TIMELESS: variants seen among roughly 807,000 people sequenced by gnomAD.
TIMELESS encodes the protein timeless circadian regulator.
In TIMELESS, 124 loss-of-function variants were observed where a neutral mutation model predicts 164.3. The ratio of observed to expected loss-of-function variants is 0.75; its 90% CI spans 0.65 to 0.88. TIMELESS has a LOEUF of 0.88. Ranked by LOEUF, TIMELESS falls within the 40% of genes least tolerant of loss-of-function variation. The probability of loss-of-function intolerance (pLI) is 0.00; values close to 1 mark genes in which losing one functional copy is unlikely to be tolerated. For synonymous variants in TIMELESS, 564 were observed against 563.4 expected (o/e 1.00, Z -0.02); for missense variants, 1,422 against 1,491.4 (o/e 0.95, Z 0.77).
chr12:56,436,918 A>G, intron 1 of TIMELESS, among the ~76,000 whole-genome samples: 1 of 151,892 alleles, frequency 6.6e-6, no homozygotes, highest in East Asian at 1.9e-4. Flanking sequence ...CTTGGCATAT[A>G]GCGAGCATGC....
In TIMELESS at chr12:56,428,273, T is replaced by G; in HGVS notation, c.1541A>C (p.Glu514Ala). ...GTTCCCACGGCTCCGACAGAATCGC[T>G]CCAACATTTTGAGGAAGAGGTGGGT... is the stretch of plus-strand genomic sequence containing the variant. ...ETTHLFLKML[E>A]RFCRSRGNLV... The change falls in exon 13 of 29, where the codon GAG becomes GCG. Residue 514 changes from glutamate to alanine, a missense_variant. Transcript: ENST00000553532. 6.2e-7 allele frequency: 1 copy of G among 1,611,208 alleles called. No individual in the cohort carries two copies. Among genetic ancestry groups the G allele is most frequent in the Non-Finnish European group, 8.5e-7 (1 of 1,177,930 alleles).
intron 1 of TIMELESS, among the ~76,000 whole-genome samples, chr12:56,447,750 G>T (rs1301376209): frequency 6.6e-6 from 1 of 152,118 alleles, no homozygotes; most frequent in Non-Finnish European, 1.5e-5. Context: ...ATAGAGGGGG[G>T]TAAAAAACTT....
intron 1 of TIMELESS, among the ~76,000 whole-genome samples, chr12:56,438,723 G>A (rs1882151229): frequency 7.5e-6 from 1 of 132,690 alleles, no homozygotes; most frequent in Admixed American, 8.7e-5. Context: ...GGCTGCAATG[G>A]GCTGATATTG....
At position 56,417,575 on chromosome 12, in the gene TIMELESS, G is replaced by T; in HGVS notation, c.*141C>A. The T allele has an allele frequency of 1.3e-6, 1 of 777,114 alleles. No individual in the cohort carries two copies. Among genetic ancestry groups the T allele is most frequent in the Non-Finnish European group, 2.1e-6 (1 of 472,824 alleles). 48.1% of individuals were successfully genotyped at this position (777,114 alleles called of 1,614,324 possible). On this transcript the variant is annotated 3_prime_UTR_variant, in exon 29 of 29. Coordinates refer to ENST00000553532, the MANE Select transcript of TIMELESS (RefSeq NM_003920.5). ...CCAATACTGCTGCTGAAGTTTCTCA[G>T]CCTAAATCCGTGAAAGAGCCTGGGA...
intron 26 of TIMELESS, among the ~76,000 whole-genome samples, chr12:56,420,006 C>CAAAAAAAAAAAAAA (rs57647901): frequency 2.3e-4 from 3 of 13,288 alleles, no homozygotes; most frequent in Non-Finnish European, 2.3e-4. Flanking sequence ...GACTCTGTCT[C>CAAAAAAAAAAAAAA]AAAAAAAAAA....
Position 56,423,438 on chromosome 12 carries a change from G to A in TIMELESS, c.2128C>T (p.Leu710=), listed in dbSNP as rs1881566382. 6.2e-7 allele frequency: 1 copy of A among 1,614,124 alleles called. No individual in the cohort carries two copies. Among genetic ancestry groups the A allele is most frequent in the East Asian group, 2.2e-5 (1 of 44,882 alleles). The change falls in exon 18 of 29, where the codon CTA becomes TTA. Residue 710 remains leucine (L), a synonymous_variant. Transcript: ENST00000553532. ...CSTVVRAYVL[L]LRSYQQNSAH... is the part of the protein sequence containing the mutation. ...CTATTCTGCTGGTAGCTCCTTAGTA[G>A]CAGCACATAGGCTCGAACGACAGTT...
At position 56,417,902 on chromosome 12, in the gene TIMELESS, C is replaced by T. The variant is rs1881318148; in HGVS notation, c.3556+5G>A. Reference sequence around the variant, plus strand: ...AGAAAAAGAAGGTCCCATCAAATTCCCTACCTCTGTTCCTGCCCTCATCTT... The same window carrying T: ...AGAAAAAGAAGGTCCCATCAAATTCTCTACCTCTGTTCCTGCCCTCATCTT... On this transcript the variant is annotated splice_donor_5th_base_variant and intron_variant, in intron 28 of 28. Transcript: ENST00000553532. 1.2e-6 allele frequency: 2 copies of T among 1,614,030 alleles called. No homozygotes were observed. Among genetic ancestry groups the T allele is most frequent in the East Asian group, 4.5e-5 (2 of 44,880 alleles).
At chr12:56,441,786 G>C (rs1868277144) in intron 1 of TIMELESS, among the ~76,000 whole-genome samples, 1 of 151,232 alleles carries the variant, frequency 6.6e-6, no homozygotes, top group South Asian at 2.1e-4. Context: ...AGAAATTTAA[G>C]AAATGTAGAT....
rs759225396 is a variant in TIMELESS, at chr12:56,433,074, C to G, written c.483G>C (p.Leu161=). 5.6e-6 allele frequency: 9 copies of G among 1,613,962 alleles called. No individual in the cohort carries two copies. Among genetic ancestry groups the G allele is most frequent in the East Asian group, 2.2e-5 (1 of 44,878 alleles). ...GGACATGGAGAATATTTCTGACCAG[C>G]AGTAGGATCCGTTCAATCAGCAAGT... ...EDNLLIERIL[L]LVRNILHVPA... is the part of the protein sequence containing the mutation. The change falls in exon 6 of 29, where the codon CTG becomes CTC. Residue 161 remains leucine, a synonymous_variant. Coordinates refer to ENST00000553532, the MANE Select transcript of TIMELESS (RefSeq NM_003920.5).
Position 56,417,723 on chromosome 12 carries a change from T to C in TIMELESS, c.3620A>G (p.Asp1207Gly). Residue 1207 changes from aspartate (D) to glycine (G), a missense_variant, in exon 29 of 29, where the codon GAT (aspartate) becomes GGT (glycine). By Grantham distance (94) the Asp-to-Gly change is moderately conservative. Coordinates refer to ENST00000553532, the MANE Select transcript of TIMELESS (RefSeq NM_003920.5). ...CCTAGGCTTCTTAGCTCTTCAGTCA[T>C]CCTCATCATCCTCAATCTGGTATCG... ...KKRYQIEDDE[D>G]D The C allele has an allele frequency of 1.9e-6, 3 of 1,614,160 alleles. No homozygotes were observed. Among genetic ancestry groups the C allele is most frequent in the Admixed American group, 1.7e-5 (1 of 60,012 alleles).
At chr12:56,434,605 C>T (rs377114501) in intron 1 of TIMELESS, among the ~76,000 whole-genome samples, 2 of 152,218 alleles carry the variant, frequency 1.3e-5, no homozygotes, top group South Asian at 2.1e-4. Flanking sequence ...GGCGTGGTGG[C>T]GCATGCCTAT....
intron 1 of TIMELESS, among the ~76,000 whole-genome samples, chr12:56,439,029 G>C (rs1000191113): frequency 1.8e-4 from 28 of 151,566 alleles, no homozygotes. Flanking sequence ...AGCTGGGCAT[G>C]GTGGCGGGCG....
chr12:56,446,351 T>C (rs577923973), intron 1 of TIMELESS, among the ~76,000 whole-genome samples: 1 of 152,342 alleles, frequency 6.6e-6, no homozygotes, highest in South Asian at 2.1e-4. Context: ...TGTCTTTCCC[T>C]TTGGTACTAT....
chr12:56,425,224 T>G, intron 13 of TIMELESS, 72 bp from the exon 14 acceptor site: 1 of 1,490,982 alleles, frequency 6.7e-7, no homozygotes, highest in Non-Finnish European at 8.9e-7. Context: ...TCTTTTCTAT[T>G]ACAAAACTAA....
chr12:56,428,664 C>A lies in TIMELESS; in HGVS notation c.1305-12G>T. On this transcript the variant is annotated splice_polypyrimidine_tract_variant and intron_variant, in intron 11 of 28. Transcript: ENST00000553532. ...GAGCCAAGTGCATCCTGAGAGTTGA[C>A]GGGAAACGGTGAAATGGAGGACAGC... 1 of 1,610,362 alleles carries A rather than the reference C, an allele frequency of 6.2e-7. No individual in the cohort carries two copies. The highest frequency in any genetic ancestry group is 8.5e-7 in the Non-Finnish European group (1 of 1,176,982).
At chr12:56,438,089 T>C (rs924476157) in intron 1 of TIMELESS, among the ~76,000 whole-genome samples, 1 of 152,122 alleles carries the variant, frequency 6.6e-6, no homozygotes, top group African/African-American at 2.4e-5. Context: ...TCACCCAGCC[T>C]GGGGTGCAGT....
rs202023750 is a variant in TIMELESS at position 56,433,414 on chromosome 12, G to A, written c.396C>T (p.Val132=). 2 of 1,614,034 alleles carry A rather than the reference G, an allele frequency of 1.2e-6. No individual in the cohort carries two copies. The highest frequency in any genetic ancestry group is 2.7e-5 in the African/African-American group (2 of 74,896). ...EAFASEKAFG[V]LSETLYELLQ... ...GCAGCTCATACAAGGTTTCACTGAGGACTCCAAAAGCCTTCTCACTGGCAA... is the reference window on the plus strand; with the variant it reads ...GCAGCTCATACAAGGTTTCACTGAGAACTCCAAAAGCCTTCTCACTGGCAA... Residue 132 remains valine (V), a synonymous_variant, in exon 5 of 29, where the codon GTC becomes GTT. Transcript: ENST00000553532.
intron 20 of TIMELESS, 42 bp downstream of exon 20, chr12:56,422,064 G>C: frequency 1.2e-6 from 2 of 1,613,738 alleles, no homozygotes; most frequent in Non-Finnish European, 1.7e-6. Context: ...CACAGCTCAA[G>C]CTGCCCTCCT....
intron 1 of TIMELESS, among the ~76,000 whole-genome samples, chr12:56,445,535 T>A (rs1868338117): frequency 6.9e-6 from 1 of 145,852 alleles, no homozygotes; most frequent in Admixed American, 7.0e-5. Context: ...GGTCGGGAGT[T>A]CAAGACTAGC....
Sources: allele counts gnomAD v4.1 joint callset (sites outside exome capture counted in the v4.1 genomes callset), GRCh38; gene constraint gnomAD v4.1.1; transcripts MANE v1.5; gene names NCBI Gene and HGNC (gene_info 2026-07-23, HGNC 2026-07-21).